Variants in ADAMTS9 observed in about 807,000 individuals in gnomAD.
ADAMTS9 encodes ADAM metallopeptidase with thrombospondin type 1 motif 9, also known as A disintegrin and metalloproteinase with thrombospondin motifs 9.
In ADAMTS9, 107 loss-of-function variants were observed where a neutral mutation model predicts 257.1. The observed-to-expected ratio is 0.42, with a 90% confidence interval of 0.36 to 0.49. ADAMTS9 has a LOEUF of 0.49. Ranked by LOEUF, ADAMTS9 falls within the 20% of genes least tolerant of loss-of-function variation. The probability of loss-of-function intolerance (pLI) is 0.03; values close to 1 mark genes in which losing one functional copy is unlikely to be tolerated. For synonymous variants in ADAMTS9, 982 were observed against 880.9 expected (o/e 1.11, Z -2.03); for missense variants, 2,353 against 2,469.1 (o/e 0.95, Z 1.00).
In ADAMTS9 at chr3:64,645,603, T is replaced by A. The variant is rs149706012; in HGVS notation, c.1710+2337A>T. Among the ~76,000 whole-genome samples the A allele has an allele frequency of 1.2e-4, 18 of 152,354 alleles. No homozygotes were observed. The East Asian group carries it at 3.3e-3, about 28-fold the overall frequency. ...TCAGAGAATTTCTATGCCAATATAT[T>A]CACCTTCTTTGGCATTTCTAGAATG... On this transcript the variant is annotated intron_variant, in intron 11 of 39. Coordinates refer to ENST00000498707, the MANE Select transcript of ADAMTS9 (RefSeq NM_182920.2).
chr3:64,584,545 G>A lies in ADAMTS9; in HGVS notation c.4356+9713C>T, dbSNP rs530825335. Among the ~76,000 whole-genome samples the A allele has an allele frequency of 5.3e-5, 8 of 152,212 alleles. No individual in the cohort carries two copies. The South Asian group carries it at 1.7e-3, about 32-fold the overall frequency. On this transcript the variant is annotated intron_variant, in intron 28 of 39. Transcript: ENST00000498707. ...CCTAGAATGTGTCAGAATTTTTAAA[G>A]TTGTGAAATAAATCCAGATCTACTC... is the stretch of plus-strand genomic sequence containing the variant.
chr3:64,619,897 C>T (rs116188452), intron 19 of ADAMTS9, among the ~76,000 whole-genome samples: 2,173 of 152,118 alleles, frequency 0.014, 34 homozygotes, highest in Non-Finnish European at 0.024. Context: ...ATTATTTTTT[C>T]CTGAAGAGAC....
chr3:64,549,843 G>T (rs760785968), intron 31 of ADAMTS9, among the ~76,000 whole-genome samples: 1 of 152,204 alleles, frequency 6.6e-6, no homozygotes, highest in Non-Finnish European at 1.5e-5. Flanking sequence ...AGGATAGGGC[G>T]AGATAATTAG....
chr3:64,577,948 C>A (rs187649565), intron 28 of ADAMTS9, among the ~76,000 whole-genome samples: 8 of 152,320 alleles, frequency 5.3e-5, no homozygotes, highest in African/African-American at 1.9e-4. Context: ...CTTCTGTAAG[C>A]TCATTGTGAA....
chr3:64,667,628 A>T (rs1221159074), intron 3 of ADAMTS9, among the ~76,000 whole-genome samples: 1 of 152,176 alleles, frequency 6.6e-6, no homozygotes, highest in Non-Finnish European at 1.5e-5. Context: ...TGACTTGGGC[A>T]TGAGAGCTGG....
chr3:64,540,592 C>T (rs2083108022), intron 36 of ADAMTS9, among the ~76,000 whole-genome samples: 1 of 152,144 alleles, frequency 6.6e-6, no homozygotes, highest in Non-Finnish European at 1.5e-5. Flanking sequence ...GAATGTTGCC[C>T]ATGAATTTCT....
In ADAMTS9 at chr3:64,559,670, C is replaced by A. The variant is rs1231316835; in HGVS notation, c.4698+1908G>T. On this transcript the variant is annotated intron_variant, in intron 30 of 39. Coordinates refer to ENST00000498707, the MANE Select transcript of ADAMTS9 (RefSeq NM_182920.2). Reference sequence around the variant, plus strand: ...AAAAGATCCATCTGCACGACACATGCAAAGAAGTAAATTTTAGGCATATTG... The same window carrying A: ...AAAAGATCCATCTGCACGACACATGAAAAGAAGTAAATTTTAGGCATATTG... 2.0e-5 allele frequency among the ~76,000 whole-genome samples: 3 copies of A among 152,312 alleles called. No homozygotes were observed. In the East Asian group the frequency reaches 5.8e-4, roughly 29 times the overall value.
intron 12 of ADAMTS9, among the ~76,000 whole-genome samples, chr3:64,640,189 T>C (rs958532181): frequency 2.0e-5 from 3 of 152,242 alleles, no homozygotes; most frequent in Non-Finnish European, 4.4e-5. Flanking sequence ...ATCTTCCTTA[T>C]TGACCACTAC....
At chr3:64,644,848 A>G (rs1700744532) in intron 11 of ADAMTS9, among the ~76,000 whole-genome samples, 1 of 152,230 alleles carries the variant, frequency 6.6e-6, no homozygotes, top group African/African-American at 2.4e-5. Context: ...TTGGAACAAA[A>G]CAAGGGGGTA....
chr3:64,517,779 T>A (rs2082799441), intron 39 of ADAMTS9, among the ~76,000 whole-genome samples: 1 of 152,144 alleles, frequency 6.6e-6, no homozygotes, highest in Admixed American at 6.6e-5. Context: ...TTTATCTTCT[T>A]AGATACAAAA....
intron 28 of ADAMTS9, among the ~76,000 whole-genome samples, chr3:64,591,943 A>G (rs1023140161): frequency 2.6e-5 from 4 of 152,182 alleles, no homozygotes; most frequent in African/African-American, 9.7e-5. Context: ...GTCAGTTACA[A>G]TGATGAAGCA....
chr3:64,622,500 C>T lies in ADAMTS9; in HGVS notation c.2476G>A (p.Val826Met). 1 of 1,614,132 alleles carries T rather than the reference C, an allele frequency of 6.2e-7. No homozygotes were observed. The highest frequency in any genetic ancestry group is 2.2e-5 in the East Asian group (1 of 44,862). Residue 826 changes from valine (V) to methionine (M), a missense_variant, in exon 17 of 40, where the codon GTG (valine) becomes ATG (methionine). This residue lies in a region of ADAMTS9 where 1,402 missense variants were observed against 1,441.4 expected (regional missense o/e 0.97). Coordinates refer to ENST00000498707, the MANE Select transcript of ADAMTS9 (RefSeq NM_182920.2). The part of the protein sequence containing the change: ...AKREIRIGNA[V>M]VEYSGSETAV... ...GTCTCGGACCCACTGTACTCTACCA[C>T]AGCATTCCCAATGCGAATTTCCCTT...
chr3:64,609,567 C>G (rs1414732300), intron 22 of ADAMTS9, among the ~76,000 whole-genome samples: 1 of 151,802 alleles, frequency 6.6e-6, no homozygotes, highest in Non-Finnish European at 1.5e-5. Flanking sequence ...TAGGAACAAG[C>G]TTAAACAAGG....
chr3:64,686,999 A>G lies in ADAMTS9; in HGVS notation c.116-31T>C, dbSNP rs754240885. Reference sequence around the variant, plus strand: ...GAGAGAAGCAGAGGTATATGAACCAATAATTCATTTTTCCTTAAGCTTTAA... The same window carrying G: ...GAGAGAAGCAGAGGTATATGAACCAGTAATTCATTTTTCCTTAAGCTTTAA... On this transcript the variant is annotated intron_variant, in intron 1 of 39. Coordinates refer to ENST00000498707, the MANE Select transcript of ADAMTS9 (RefSeq NM_182920.2). The surrounding 1 kb of genome is among the most constrained non-coding windows in gnomAD (Gnocchi z 4.6). 1.9e-6 allele frequency: 3 copies of G among 1,579,854 alleles called. No homozygotes were observed. Among genetic ancestry groups the G allele is most frequent in the Non-Finnish European group, 1.7e-6 (2 of 1,164,498 alleles).
At chr3:64,618,401 T>C (rs1700019187) in intron 19 of ADAMTS9, among the ~76,000 whole-genome samples, 1 of 152,206 alleles carries the variant, frequency 6.6e-6, no homozygotes, top group African/African-American at 2.4e-5. Context: ...ATTTAGAATT[T>C]AGAATAGCTT....
intron 12 of ADAMTS9, among the ~76,000 whole-genome samples, chr3:64,637,392 G>C (rs937788717): frequency 1.3e-5 from 2 of 152,202 alleles, no homozygotes; most frequent in Non-Finnish European, 2.9e-5. Context: ...GTCAAATAGG[G>C]ATAGGGAGGG....
intron 21 of ADAMTS9, 100 bp downstream of exon 21, chr3:64,615,221 T>A: frequency 7.5e-7 from 1 of 1,340,736 alleles, no homozygotes; most frequent in Non-Finnish European, 1.0e-6. Context: ...AAGGGAGAGG[T>A]GGGAGAAAGG....
At position 64,686,940 on chromosome 3, in the gene ADAMTS9, G is replaced by T. The variant is rs1701928695; in HGVS notation, c.144C>A (p.Tyr48Ter). Reference protein sequence around the residue: ...QVKLLETLSEYEIVSPIRVNA... With the variant: ...QVKLLETLSE ...TCACTCGGATGGGAGACACGATTTC[G>T]TATTCGCTCAGGGTCTCTAATAATT... is the stretch of plus-strand genomic sequence containing the variant. Residue 48 changes from tyrosine to a stop codon, truncating the protein, a stop_gained, in exon 2 of 40, where the codon TAC becomes TAA. Coordinates refer to ENST00000498707, the MANE Select transcript of ADAMTS9 (RefSeq NM_182920.2). LOFTEE classifies it high-confidence loss of function. The surrounding 1 kb of genome is among the most constrained non-coding windows in gnomAD (Gnocchi z 4.6). The T allele has an allele frequency of 6.2e-7, 1 of 1,614,172 alleles. No homozygotes were observed. Among genetic ancestry groups the T allele is most frequent in the Non-Finnish European group, 8.5e-7 (1 of 1,180,018 alleles).
intron 6 of ADAMTS9, 125 bp downstream of exon 6, chr3:64,655,451 C>T (rs1701043682): frequency 2.6e-6 from 2 of 767,940 alleles, no homozygotes; most frequent in African/African-American, 1.8e-5. Context: ...ATTGTCCAGC[C>T]CAAAATGTCA....
Sources: gnomAD v4.1 joint callset for allele counts (sites outside exome capture counted in the v4.1 genomes callset) on GRCh38, gnomAD v4.1.1 for gene constraint, gnomAD v4.1.1 regional missense constraint, Gnocchi (gnomAD v3.1) non-coding constraint, MANE v1.5 for transcripts, NCBI Gene and HGNC (gene_info 2026-07-23, HGNC 2026-07-21) for gene names.